The following PLPPR1 variants were observed in gnomAD, a reference collection of about 807,000 sequenced individuals.
The protein encoded by PLPPR1 is phospholipid phosphatase related 1, also known as phospholipid phosphatase-related protein type 1.
In PLPPR1, 10 loss-of-function variants were observed where a neutral mutation model predicts 33.1. The ratio of observed to expected loss-of-function variants is 0.30; its 90% confidence interval spans 0.19 to 0.51. The LOEUF is 0.51. Among genes scored for constraint, PLPPR1 ranks in the 20% least tolerant of loss-of-function variants. PLPPR1 has a pLI of 0.97. For synonymous variants in PLPPR1, 151 were observed against 151.0 expected (o/e 1.00, Z 0.00); for missense variants, 304 against 408.1 (o/e 0.74, Z 2.20).
chr9:101,127,550 T>C (rs1309122085), intron 1 of PLPPR1, among the ~76,000 whole-genome samples: 1 of 152,184 alleles, frequency 6.6e-6, no homozygotes, highest in Admixed American at 6.5e-5. Context: ...CTACTTGAGA[T>C]AGTGGAGAGC....
intron 2 of PLPPR1, among the ~76,000 whole-genome samples, chr9:101,197,994 T>C (rs1826429022): frequency 6.6e-6 from 1 of 152,208 alleles, no homozygotes; most frequent in Non-Finnish European, 1.5e-5. Flanking sequence ...AGTATGACTA[T>C]AAATAATTAT....
At chr9:101,048,889 A>T (rs1229641684) in intron 1 of PLPPR1, among the ~76,000 whole-genome samples, 1 of 152,256 alleles carries the variant, frequency 6.6e-6, no homozygotes, top group Non-Finnish European at 1.5e-5. Context: ...CTCCAAGAAC[A>T]TTACAAAATG....
rs1237006031 is a variant in PLPPR1, at chr9:101,182,472, A to C, written c.-45-2978A>C. 2.0e-5 allele frequency among the ~76,000 whole-genome samples: 3 copies of C among 151,854 alleles called. No individual in the cohort carries two copies. In the East Asian group the frequency reaches 5.8e-4, roughly 29 times the overall value. ...CATTTCATATTATAAAAATCAAAGC[A>C]CCACATTATACCTCATAAATATATA... On this transcript the variant is annotated intron_variant, in intron 1 of 7. Transcript: ENST00000374874.
chr9:101,234,964 C>A (rs369214467), intron 2 of PLPPR1, among the ~76,000 whole-genome samples: 4 of 151,804 alleles, frequency 2.6e-5, no homozygotes, highest in Non-Finnish European at 5.9e-5. Context: ...CTAACATATT[C>A]TTGAGTACAG....
chr9:101,153,867 G>A (rs1588050059), intron 1 of PLPPR1, among the ~76,000 whole-genome samples: 1 of 152,170 alleles, frequency 6.6e-6, no homozygotes, highest in East Asian at 1.9e-4. Context: ...ACAGGCGTGA[G>A]CCACCGTGCC....
intron 3 of PLPPR1, among the ~76,000 whole-genome samples, chr9:101,274,335 T>C (rs2118900703): frequency 6.6e-6 from 1 of 152,332 alleles, no homozygotes; most frequent in East Asian, 1.9e-4. Flanking sequence ...CATTTTGAGT[T>C]GAGACTGTTG....
chr9:101,286,007 T>C lies in PLPPR1; in HGVS notation c.253-97T>C, dbSNP rs1828386565. 6.2e-5 allele frequency: 55 copies of C among 881,088 alleles called. 1 individual carries two copies. The South Asian group carries it at 7.3e-4, about 12-fold the overall frequency. 54.6% of individuals were successfully genotyped at this position (881,088 alleles called of 1,614,324 possible). A position where few individuals can be genotyped will look rare whatever the true frequency, so the allele number is the denominator to read the frequency against. ...TCTCTCCAACATCTTTTAAAATGAT[T>C]GTGGGTCCTCAACAGTTTTGTTTTG... is the stretch of plus-strand genomic sequence containing the variant. On this transcript the variant is annotated intron_variant, in intron 3 of 7. Coordinates refer to ENST00000374874, the MANE Select transcript of PLPPR1 (RefSeq NM_207299.2).
At chr9:101,153,007 G>A (rs995778430) in intron 1 of PLPPR1, among the ~76,000 whole-genome samples, 5 of 152,156 alleles carry the variant, frequency 3.3e-5, no homozygotes, top group East Asian at 3.8e-4. Context: ...CCATTTTCAC[G>A]ATATTGATTC....
chr9:101,288,584 G>A (rs1383660922), intron 4 of PLPPR1, among the ~76,000 whole-genome samples: 5 of 150,392 alleles, frequency 3.3e-5, no homozygotes. Flanking sequence ...TAAAAAAAAA[G>A]CACTTCCTTC....
At chr9:101,234,740 T>G (rs996028009) in intron 2 of PLPPR1, among the ~76,000 whole-genome samples, 13 of 151,934 alleles carry the variant, frequency 8.6e-5, no homozygotes, top group African/African-American at 2.9e-4. Flanking sequence ...TACTTAGAAG[T>G]GACTTCATTG....
intron 1 of PLPPR1, among the ~76,000 whole-genome samples, chr9:101,096,131 G>C (rs1385182003): frequency 6.6e-6 from 1 of 152,158 alleles, no homozygotes; most frequent in Non-Finnish European, 1.5e-5. Context: ...TGTGTAAACA[G>C]TGGTGTGCTT....
chr9:101,081,512 C>A (rs1830619821), intron 1 of PLPPR1, among the ~76,000 whole-genome samples: 1 of 152,120 alleles, frequency 6.6e-6, no homozygotes, highest in Non-Finnish European at 1.5e-5. Context: ...ATTTAATTCA[C>A]CACTTTAAAT....
chr9:101,225,300 A>T (rs1230000316), intron 2 of PLPPR1, among the ~76,000 whole-genome samples: 4 of 152,200 alleles, frequency 2.6e-5, no homozygotes, highest in Non-Finnish European at 5.9e-5. Context: ...TTTAGAATAC[A>T]TGACATCTTT....
chr9:101,294,110 T>C (rs1828572444), intron 4 of PLPPR1, among the ~76,000 whole-genome samples: 1 of 151,990 alleles, frequency 6.6e-6, no homozygotes, highest in Non-Finnish European at 1.5e-5. Flanking sequence ...TAAAAAATGA[T>C]AAAGGGGATA....
chr9:101,218,716 T>C (rs1336928310), intron 2 of PLPPR1, among the ~76,000 whole-genome samples: 1 of 152,228 alleles, frequency 6.6e-6, no homozygotes, highest in Non-Finnish European at 1.5e-5. Flanking sequence ...TTTGTGCAGT[T>C]AAAGAAACTT....
rs536987814 is a variant in PLPPR1, at chr9:101,267,975, A to C, written c.64-1905A>C. 8.5e-5 allele frequency among the ~76,000 whole-genome samples: 13 copies of C among 152,252 alleles called. No homozygotes were observed. In the East Asian group the frequency reaches 2.5e-3, roughly 29 times the overall value. On this transcript the variant is annotated intron_variant, in intron 2 of 7. Transcript: ENST00000374874. The stretch of plus-strand genomic sequence containing the variant: ...TGTAGGGACATGGATGAAGCTGGAA[A>C]CCATCATTCTCAGCAAACTATCGCC...
chr9:101,226,979 G>A (rs1827084204), intron 2 of PLPPR1, among the ~76,000 whole-genome samples: 3 of 152,064 alleles, frequency 2.0e-5, no homozygotes, highest in Admixed American at 2.0e-4. Flanking sequence ...TGACCACATG[G>A]GGGCACCAAA....
intron 2 of PLPPR1, among the ~76,000 whole-genome samples, chr9:101,246,107 T>TAGATAGATAGATAG (rs1564015131): frequency 2.0e-5 from 2 of 98,308 alleles, no homozygotes; most frequent in African/African-American, 3.2e-5. Context: ...TATATATATA[T>TAGATAGATAGATAG]ATAGATAGAT....
chr9:101,117,002 G>A (rs1162001890), intron 1 of PLPPR1, among the ~76,000 whole-genome samples: 2 of 152,052 alleles, frequency 1.3e-5, no homozygotes, highest in South Asian at 2.1e-4. Flanking sequence ...AGTTAGGCAG[G>A]GATATCATAT....
Sources: gnomAD v4.1 joint callset for allele counts (sites outside exome capture counted in the v4.1 genomes callset) on GRCh38, gnomAD v4.1.1 for gene constraint, MANE v1.5 for transcripts, NCBI Gene and HGNC (gene_info 2026-07-23, HGNC 2026-07-21) for gene names.